Variants in OR10J1 observed in about 807,000 individuals in gnomAD.
The protein encoded by OR10J1 is olfactory receptor 10J1.
For synonymous variants in OR10J1, 202 were observed against 143.8 expected, an observed-to-expected ratio of 1.40 and a Z score of -2.89; for missense variants, 474 against 376.6, an observed-to-expected ratio of 1.26 and a Z score of -2.14.
the OR10J1 span, among the ~76,000 whole-genome samples, chr1:159,407,754 CTTAA>C: frequency 2.0e-5 from 3 of 152,062 alleles, no homozygotes; most frequent in African/African-American, 4.8e-5. Flanking sequence ...AAGAGCATTA[CTTAA>C]TTTATTTATT....
the OR10J1 span, among the ~76,000 whole-genome samples, chr1:159,425,117 T>C: frequency 6.6e-6 from 1 of 152,172 alleles, no homozygotes; most frequent in Non-Finnish European, 1.5e-5. Context: ...GATTAATACA[T>C]CCAACAAAAT....
the OR10J1 span, chr1:159,406,037 G>A: frequency 2.3e-6 from 1 of 426,124 alleles, no homozygotes; most frequent in South Asian, 2.1e-5. Context: ...GAAAGCAGTT[G>A]TTGATGCCAA....
In OR10J1 at chr1:159,440,395, A is replaced by T. The variant is rs1166913779; in HGVS notation, c.604A>T (p.Ser202Cys). Reference sequence around the variant, plus strand: ...CAATGAAATCCTGACTTTGATTATCAGTGTGCTGGTGCTTGTTGTACCTAT... The same window carrying T: ...CAATGAAATCCTGACTTTGATTATCTGTGTGCTGGTGCTTGTTGTACCTAT... ...TVNEILTLIISVLVLVVPMGL... is the reference protein window; with the variant it reads ...TVNEILTLIICVLVLVVPMGL... Residue 202 changes from serine (S) to cysteine (C), a missense_variant, in exon 1 of 1, where the codon AGT (serine) becomes TGT (cysteine). Transcript: ENST00000423932. 5 of 1,613,974 alleles carry T rather than the reference A, an allele frequency of 3.1e-6. No homozygotes were observed. Among genetic ancestry groups the T allele is most frequent in the Non-Finnish European group, 4.2e-6 (5 of 1,180,010 alleles).
At chr1:159,436,669 T>TAA (rs201093117), upstream of OR10J1, among the ~76,000 whole-genome samples, 662 of 144,844 alleles carry the variant, frequency 4.6e-3, 6 homozygotes, top group African/African-American at 0.015. Context: ...TTAGCGGTTT[T>TAA]AAAAAAAAAA....
the OR10J1 span, among the ~76,000 whole-genome samples, chr1:159,409,932 C>T: frequency 1.3e-5 from 2 of 152,042 alleles, no homozygotes; most frequent in East Asian, 3.9e-4. Flanking sequence ...TGTCAAAGGC[C>T]TTTTCTGCAT....
At chr1:159,427,538 G>T in the OR10J1 span, among the ~76,000 whole-genome samples, 28 of 151,796 alleles carry the variant, frequency 1.8e-4, 1 homozygote, top group East Asian at 5.2e-3. Context: ...TTTTTAAAAG[G>T]TATATAAAAT....
At chr1:159,414,427 C>G in the OR10J1 span, among the ~76,000 whole-genome samples, 2 of 152,056 alleles carry the variant, frequency 1.3e-5, no homozygotes, top group Admixed American at 1.3e-4. Context: ...GGATTTCATT[C>G]TTTTTATGGT....
chr1:159,402,307 A>AAAAGCC, the OR10J1 span, among the ~76,000 whole-genome samples: 1 of 152,084 alleles, frequency 6.6e-6, no homozygotes, highest in Admixed American at 6.6e-5. Flanking sequence ...TTGGAAAGGA[A>AAAAGCC]AAAGCCAAAG....
chr1:159,429,038 C>A, the OR10J1 span, among the ~76,000 whole-genome samples: 1 of 152,182 alleles, frequency 6.6e-6, no homozygotes, highest in Non-Finnish European at 1.5e-5. Context: ...CTTGGGCTCA[C>A]CTTCTAAAAG....
At chr1:159,414,772 T>A in the OR10J1 span, among the ~76,000 whole-genome samples, 1 of 152,262 alleles carries the variant, frequency 6.6e-6, no homozygotes, top group African/African-American at 2.4e-5. Context: ...ATAGCCATTC[T>A]AACCAGGGTA....
chr1:159,432,857 T>A, upstream of OR10J1: 1 of 412,298 alleles, frequency 2.4e-6, no homozygotes. Context: ...CTTCATCTCC[T>A]ATGTCCTAAT....
Position 159,440,725 on chromosome 1 carries a change from T to G in OR10J1, c.*4T>G, listed in dbSNP as rs368656963. 2.3e-5 allele frequency: 37 copies of G among 1,605,866 alleles called. No homozygotes were observed. The African/African-American group carries it at 4.3e-4, about 19-fold the overall frequency. ...TGTTGGTGGGAAGTTTTCCTGACCA[T>G]GTAGGAAGAGTTCTCCTGAGGCTGT... On this transcript the variant is annotated 3_prime_UTR_variant, in exon 1 of 1. Coordinates refer to ENST00000423932, the MANE Select transcript of OR10J1 (RefSeq NM_012351.3).
the OR10J1 span, among the ~76,000 whole-genome samples, chr1:159,423,067 A>G: frequency 6.6e-6 from 1 of 152,146 alleles, no homozygotes; most frequent in Non-Finnish European, 1.5e-5. Context: ...GCCATCTTGA[A>G]GCCCCTCTTC....
chr1:159,430,234 T>A, the OR10J1 span, among the ~76,000 whole-genome samples: 3 of 150,968 alleles, frequency 2.0e-5, no homozygotes, highest in Non-Finnish European at 2.9e-5. Flanking sequence ...AGGCAAAGCT[T>A]CCAAAGCCTA....
chr1:159,417,331 G>A, the OR10J1 span, among the ~76,000 whole-genome samples: 1 of 152,034 alleles, frequency 6.6e-6, no homozygotes, highest in Non-Finnish European at 1.5e-5. Context: ...CCTTTGAGGA[G>A]TGATATGGTT....
chr1:159,404,033 G>A, the OR10J1 span, among the ~76,000 whole-genome samples: 1 of 152,068 alleles, frequency 6.6e-6, no homozygotes, highest in South Asian at 2.1e-4. Flanking sequence ...AACATTGCAT[G>A]TTCTCACTTA....
the OR10J1 span, among the ~76,000 whole-genome samples, chr1:159,418,193 T>A: frequency 6.6e-6 from 1 of 152,140 alleles, no homozygotes; most frequent in Non-Finnish European, 1.5e-5. Context: ...TCAAGCCAGC[T>A]GGAGAAGTTT....
the OR10J1 span, among the ~76,000 whole-genome samples, chr1:159,414,221 C>T: frequency 6.6e-6 from 1 of 152,044 alleles, no homozygotes; most frequent in Admixed American, 6.6e-5. Flanking sequence ...TACCCATTGA[C>T]CAACTTCTCT....
At chr1:159,415,535 A>T in the OR10J1 span, among the ~76,000 whole-genome samples, 1 of 151,954 alleles carries the variant, frequency 6.6e-6, no homozygotes, top group Non-Finnish European at 1.5e-5. Flanking sequence ...TGTGCTCAAG[A>T]TTGCTTTGGC....
Sources: allele counts gnomAD v4.1 joint callset (sites outside exome capture counted in the v4.1 genomes callset), GRCh38; gene constraint gnomAD v4.1.1; transcripts MANE v1.5; gene names NCBI Gene and HGNC (gene_info 2026-07-23, HGNC 2026-07-21).